BEST3: variants seen among roughly 807,000 people sequenced by gnomAD.
BEST3 encodes the protein bestrophin 3.
A neutral mutation model predicts 47.1 loss-of-function variants in BEST3; 50 were observed. That is an observed-to-expected ratio of 1.06 (90% CI 0.85 to 1.34). BEST3 has a LOEUF of 1.34. Ranked by LOEUF, BEST3 falls within the 40% of genes most tolerant of loss-of-function variation. BEST3 has a pLI of 0.00. For missense variants in BEST3, 765 were observed against 817.0 expected (o/e 0.94, Z 0.78); for synonymous variants, 282 against 298.8 (o/e 0.94, Z 0.58).
chr12:69,656,369 A>ATATG (rs1883497120), intron 9 of BEST3, among the ~76,000 whole-genome samples: 1 of 149,996 alleles, frequency 6.7e-6, no homozygotes, highest in African/African-American at 2.5e-5. Flanking sequence ...CTATGAATCT[A>ATATG]TCTGTCTGTC....
chr12:69,664,133 A>G (rs1307475604), intron 9 of BEST3, among the ~76,000 whole-genome samples: 1 of 152,058 alleles, frequency 6.6e-6, no homozygotes, highest in Non-Finnish European at 1.5e-5. Context: ...TTTCATTTGG[A>G]GTGTTGATTT....
At chr12:69,669,401 G>T (rs1884426204) in intron 9 of BEST3, among the ~76,000 whole-genome samples, 1 of 152,172 alleles carries the variant, frequency 6.6e-6, no homozygotes, top group African/African-American at 2.4e-5. Context: ...TCTGGCCTTT[G>T]TCTGTTCCTC....
downstream of BEST3, chr12:69,653,601 A>G: frequency 2.0e-6 from 2 of 977,798 alleles, no homozygotes; most frequent in Non-Finnish European, 2.4e-6. Context: ...TAAGCACTCA[A>G]TAAATGGTAG....
intron 9 of BEST3, among the ~76,000 whole-genome samples, chr12:69,647,470 C>A (rs61928454): frequency 6.6e-5 from 10 of 152,236 alleles, no homozygotes; most frequent in South Asian, 2.1e-4. Context: ...AGTTTTATTT[C>A]TTTTCTTCCA....
chr12:69,682,092 A>AAAAAC (rs1885289715), intron 4 of BEST3, among the ~76,000 whole-genome samples: 1 of 151,584 alleles, frequency 6.6e-6, no homozygotes, highest in South Asian at 2.1e-4. Flanking sequence ...AAAAAAAAAA[A>AAAAAC]AAAAAAGAAG....
intron 9 of BEST3, among the ~76,000 whole-genome samples, chr12:69,659,427 C>T (rs1883731716): frequency 6.6e-6 from 1 of 152,194 alleles, no homozygotes; most frequent in Non-Finnish European, 1.5e-5. Flanking sequence ...AATCATGGCT[C>T]ACTGTAGCCT....
downstream of BEST3, among the ~76,000 whole-genome samples, chr12:69,650,291 A>T (rs142034370): frequency 4.6e-3 from 695 of 152,332 alleles, 5 homozygotes; most frequent in African/African-American, 0.015. Context: ...TTGCAAAAAG[A>T]GAATGATCCT....
intron 4 of BEST3, 130 bp downstream of exon 4, chr12:69,693,544 C>A: frequency 1.3e-6 from 1 of 787,098 alleles, no homozygotes; most frequent in South Asian, 1.9e-5. Context: ...GGATTACAGG[C>A]ATGAGCCACC....
Position 69,678,824 on chromosome 12 carries a change from G to C in BEST3, c.551C>G (p.Pro184Arg). Residue 184 changes from proline to arginine, a missense_variant, in exon 5 of 10, where the codon CCA becomes CGA. Physicochemically the swap from Pro to Arg is moderately radical, Grantham distance 103 (BLOSUM62 -2). Transcript: ENST00000330891. ...TGCAAGATTTCCAAACCAGATGAAT[G>C]GAACCCAATATTTCAGATGAGGAGA... is the stretch of plus-strand genomic sequence containing the variant. ...LKSPHLKYWV[P>R]FIWFGNLATK... 2.5e-6 allele frequency: 4 copies of C among 1,613,894 alleles called. No homozygotes were observed. Among genetic ancestry groups the C allele is most frequent in the Non-Finnish European group, 3.4e-6 (4 of 1,179,856 alleles).
chr12:69,684,271 C>A, intron 4 of BEST3: 1 of 336,572 alleles, frequency 3.0e-6, no homozygotes. Context: ...ATCCCTCCTT[C>A]ATCTTTCTAA....
chr12:69,698,681 T>C (rs1240521411), intron 1 of BEST3, among the ~76,000 whole-genome samples: 1 of 152,222 alleles, frequency 6.6e-6, no homozygotes, highest in African/African-American at 2.4e-5. Flanking sequence ...AAAAATAAAT[T>C]CTGTAGCAGA....
chr12:69,659,075 G>A (rs1883705073), intron 9 of BEST3, among the ~76,000 whole-genome samples: 1 of 152,142 alleles, frequency 6.6e-6, no homozygotes, highest in South Asian at 2.1e-4. Flanking sequence ...GTCTGAAACA[G>A]GGTCTTTAGA....
chr12:69,682,985 A>G (rs1029685631), intron 4 of BEST3, among the ~76,000 whole-genome samples: 3 of 152,262 alleles, frequency 2.0e-5, no homozygotes, highest in Non-Finnish European at 4.4e-5. Flanking sequence ...ATTGTCTAAC[A>G]GTTATATTCT....
intron 7 of BEST3, 24 bp downstream of exon 7, chr12:69,676,892 T>C (rs775882500): frequency 7.5e-6 from 12 of 1,609,052 alleles, no homozygotes; most frequent in Non-Finnish European, 6.8e-6. Context: ...CATTACAAAG[T>C]GGGGCCCTGA....
intron 9 of BEST3, among the ~76,000 whole-genome samples, chr12:69,645,423 C>A (rs1367707581): frequency 6.6e-6 from 1 of 152,180 alleles, no homozygotes; most frequent in Non-Finnish European, 1.5e-5. Flanking sequence ...GTAACTGCCA[C>A]CTAATAGGTT....
Position 69,654,653 on chromosome 12 carries a change from AT to A in BEST3, c.*253del. The A allele has an allele frequency of 3.3e-6, 4 of 1,221,312 alleles. No homozygotes were observed. The highest frequency in any genetic ancestry group is 4.1e-6 in the Non-Finnish European group (4 of 977,982). The allele number at this position is 1,221,312 out of a possible 1,614,324, so 75.7% of individuals were successfully genotyped here. A position where few individuals can be genotyped will look rare whatever the true frequency, so the allele number is the denominator to read the frequency against. On this transcript the variant is annotated 3_prime_UTR_variant, in exon 10 of 10. Transcript: ENST00000330891. The stretch of plus-strand genomic sequence containing the variant: ...AGATTCCTTTTTTTGGTTAAGACTT[AT>A]TTGGCTAAATCACTGTGGTCTGTGT...
In BEST3 at chr12:69,654,610, A is replaced by G. The variant is rs1324108624; in HGVS notation, c.*297T>C. On this transcript the variant is annotated 3_prime_UTR_variant, in exon 10 of 10. Coordinates refer to ENST00000330891, the MANE Select transcript of BEST3 (RefSeq NM_032735.3). ...CACAACTAATAATCTATGAATTTATAAGTCATGTATGTTTTTCAGATTCCT... is the reference window on the plus strand; with the variant it reads ...CACAACTAATAATCTATGAATTTATGAGTCATGTATGTTTTTCAGATTCCT... 4 of 1,108,122 alleles carry G rather than the reference A, an allele frequency of 3.6e-6. No individual in the cohort carries two copies. The allele number at this position is 1,108,122 out of a possible 1,614,324, so 68.6% of individuals were successfully genotyped here. A position where few individuals can be genotyped will look rare whatever the true frequency, so the allele number is the denominator to read the frequency against.
chr12:69,670,454 C>T, intron 9 of BEST3: 1 of 702,840 alleles, frequency 1.4e-6, no homozygotes, highest in Non-Finnish European at 2.6e-6. Flanking sequence ...TTTCAGTCTT[C>T]CTTTTCTTTG....
intron 4 of BEST3, among the ~76,000 whole-genome samples, chr12:69,692,061 T>C (rs1700657780): frequency 6.6e-6 from 1 of 152,206 alleles, no homozygotes; most frequent in African/African-American, 2.4e-5. Flanking sequence ...TCTGTGTGTA[T>C]GCCTCAAACT....
Sources: allele counts gnomAD v4.1 joint callset (sites outside exome capture counted in the v4.1 genomes callset), GRCh38; gene constraint gnomAD v4.1.1; transcripts MANE v1.5; gene names NCBI Gene and HGNC (gene_info 2026-07-23, HGNC 2026-07-21).